ACO1: variants seen among roughly 807,000 people sequenced by gnomAD.
ACO1 encodes the protein cytoplasmic aconitate hydratase.
A neutral mutation model predicts 105.1 loss-of-function variants in ACO1; 78 were observed. The ratio of observed to expected loss-of-function variants is 0.74; its 90% CI spans 0.62 to 0.90. The LOEUF (loss-of-function observed/expected upper bound fraction) is 0.90, where lower values mean the gene tolerates loss of function less well. Among genes scored for constraint, ACO1 ranks in the 40% least tolerant of loss-of-function variants. The pLI is 0.00. For missense variants in ACO1, 965 were observed against 1,111.1 expected (o/e 0.87, Z 1.87); for synonymous variants, 364 against 397.4 (o/e 0.92, Z 1.00).
At chr9:32,427,669 G>A (rs1284245462) in intron 12 of ACO1, among the ~76,000 whole-genome samples, 1 of 152,192 alleles carries the variant, frequency 6.6e-6, no homozygotes, top group African/African-American at 2.4e-5. Flanking sequence ...CTTTGGTTGA[G>A]TCAGTGAATG....
At chr9:32,412,975 C>T (rs955355250) in intron 4 of ACO1, among the ~76,000 whole-genome samples, 1 of 151,658 alleles carries the variant, frequency 6.6e-6, no homozygotes, top group African/African-American at 2.4e-5. Context: ...ATTCAAAGAG[C>T]TCATGGCTGT....
chr9:32,426,090 G>T, intron 11 of ACO1, 93 bp downstream of exon 11: 1 of 1,303,250 alleles, frequency 7.7e-7, no homozygotes, highest in Non-Finnish European at 1.1e-6. Flanking sequence ...AGTTGTACAT[G>T]TAGTTCCCTG....
At position 32,420,920 on chromosome 9, in the gene ACO1, T is replaced by C; in HGVS notation, c.863T>C (p.Leu288Ser). 1 of 1,614,068 alleles carries C rather than the reference T, an allele frequency of 6.2e-7. No individual in the cohort carries two copies. Among genetic ancestry groups the C allele is most frequent in the Non-Finnish European group, 8.5e-7 (1 of 1,179,950 alleles). The change falls in exon 8 of 21, where the codon TTG (leucine) becomes TCG (serine). Residue 288 changes from leucine to serine, a missense_variant. Physicochemically the swap from Leu to Ser is moderately radical, Grantham distance 145. Transcript: ENST00000309951. ...VEFFGPGVAQ[L>S]SIADRATIAN... ...TTCTTCGGGCCTGGAGTAGCCCAGTTGTCCATTGCTGACCGAGCTACGATT... is the reference window on the plus strand; with the variant it reads ...TTCTTCGGGCCTGGAGTAGCCCAGTCGTCCATTGCTGACCGAGCTACGATT...
At chr9:32,414,164 A>T (rs1473978573) in intron 4 of ACO1, among the ~76,000 whole-genome samples, 1 of 152,214 alleles carries the variant, frequency 6.6e-6, no homozygotes. Context: ...AAAAAAAAGA[A>T]TTTCATAACA....
chr9:32,415,377 T>C (rs1821825970), intron 4 of ACO1, among the ~76,000 whole-genome samples: 1 of 152,166 alleles, frequency 6.6e-6, no homozygotes, highest in East Asian at 1.9e-4. Context: ...GGAATAAATA[T>C]CTTGATAGCT....
intron 4 of ACO1, among the ~76,000 whole-genome samples, chr9:32,410,300 T>G (rs1011693800): frequency 2.0e-5 from 3 of 152,208 alleles, no homozygotes; most frequent in African/African-American, 7.2e-5. Flanking sequence ...GGCTCACGCC[T>G]GTAATCCCAG....
intron 1 of ACO1, among the ~76,000 whole-genome samples, chr9:32,392,981 T>G (rs1008241853): frequency 6.6e-5 from 10 of 152,184 alleles, no homozygotes; most frequent in African/African-American, 2.4e-4. Context: ...CCCATCATCT[T>G]CATAAGCTGA....
intron 19 of ACO1, among the ~76,000 whole-genome samples, chr9:32,443,611 T>C (rs1333273298): frequency 6.6e-6 from 1 of 152,188 alleles, no homozygotes; most frequent in Admixed American, 6.5e-5. Context: ...AACTCCAGAG[T>C]ATTTCCAGAT....
intron 19 of ACO1, chr9:32,445,971 G>A (rs1822596359): frequency 1.3e-5 from 2 of 152,272 alleles, no homozygotes; most frequent in African/African-American, 4.8e-5. Flanking sequence ...TGTGGTCTGA[G>A]AGACAGGTTG....
Position 32,431,716 on chromosome 9 carries a change from CA to C in ACO1, c.1727-2del. ...TTCTCATTAATAAACATTTTTTCCC[CA>C]GGAGTAAATGCAAAGGGACAGCAGG... On this transcript the variant is annotated splice_acceptor_variant, in intron 14 of 20. Transcript: ENST00000309951. LOFTEE classifies it high-confidence loss of function. 1 of 1,612,944 alleles carries C rather than the reference CA, an allele frequency of 6.2e-7. No homozygotes were observed. The highest frequency in any genetic ancestry group is 8.5e-7 in the Non-Finnish European group (1 of 1,179,662).
At chr9:32,403,381 T>A (rs1821539416) in intron 1 of ACO1, among the ~76,000 whole-genome samples, 1 of 152,218 alleles carries the variant, frequency 6.6e-6, no homozygotes, top group Non-Finnish European at 1.5e-5. Context: ...ATTTACTTCC[T>A]TCATATAGTG....
rs879450882 is a variant in ACO1 at position 32,411,894 on chromosome 9, T to A, written c.404+3243T>A. On this transcript the variant is annotated intron_variant, in intron 4 of 20. Coordinates refer to ENST00000309951, the MANE Select transcript of ACO1 (RefSeq NM_002197.3). ...CATTTATTTATTTATTTATTTATTT[T>A]TTGAGACAGGTTCTCACTCTGTTCC... Among the ~76,000 whole-genome samples the A allele has an allele frequency of 2.6e-4, 40 of 152,146 alleles. 1 individual carries two copies. Among genetic ancestry groups the A allele is most frequent in the Admixed American group, 9.8e-4 (15 of 15,256 alleles).
At position 32,407,251 on chromosome 9, in the gene ACO1, TA is replaced by T; in HGVS notation, c.98-8del. The T allele has an allele frequency of 6.2e-7, 1 of 1,613,592 alleles. No individual in the cohort carries two copies. The highest frequency in any genetic ancestry group is 1.1e-5 in the South Asian group (1 of 91,034). The stretch of plus-strand genomic sequence containing the variant: ...CAGGTTTTGTTTATTTTGTCATCCT[TA>T]ACTCTTAGGGCGCTTACCATTTTCG... On this transcript the variant is annotated splice_polypyrimidine_tract_variant and intron_variant, in intron 2 of 20. Transcript: ENST00000309951.
chr9:32,442,148 T>C (rs548276194), intron 19 of ACO1, among the ~76,000 whole-genome samples: 1 of 152,178 alleles, frequency 6.6e-6, no homozygotes, highest in African/African-American at 2.4e-5. Context: ...TCTGGTTTAA[T>C]TGGTAAGGAG....
intron 4 of ACO1, among the ~76,000 whole-genome samples, chr9:32,415,323 A>G (rs1821825161): frequency 6.6e-6 from 1 of 152,240 alleles, no homozygotes; most frequent in Non-Finnish European, 1.5e-5. Context: ...TACCAAAGGT[A>G]GATTGAATGG....
chr9:32,448,765 T>C, intron 19 of ACO1, 131 bp from the exon 20 acceptor site: 1 of 898,702 alleles, frequency 1.1e-6, no homozygotes, highest in Non-Finnish European at 1.8e-6. Flanking sequence ...TGTGTCAGTC[T>C]CACTGGGAGC....
At chr9:32,428,814 A>C (rs1014697254) in intron 12 of ACO1, among the ~76,000 whole-genome samples, 3 of 152,056 alleles carry the variant, frequency 2.0e-5, no homozygotes, top group African/African-American at 7.2e-5. Context: ...ACTGCACTCC[A>C]GCCTGGGCAA....
chr9:32,443,228 C>A (rs1822521409), intron 19 of ACO1, among the ~76,000 whole-genome samples: 1 of 151,898 alleles, frequency 6.6e-6, no homozygotes, highest in African/African-American at 2.4e-5. Context: ...TTTCTGTCAT[C>A]CTAGATGTAT....
intron 19 of ACO1, 56 bp from the exon 20 acceptor site, chr9:32,448,840 T>C: frequency 6.3e-7 from 1 of 1,595,642 alleles, no homozygotes; most frequent in Non-Finnish European, 8.6e-7. Flanking sequence ...TTTGTAAACC[T>C]GTGTATCCAA....
Sources: allele counts gnomAD v4.1 joint callset (sites outside exome capture counted in the v4.1 genomes callset), GRCh38; gene constraint gnomAD v4.1.1; transcripts MANE v1.5; gene names NCBI Gene and HGNC (gene_info 2026-07-23, HGNC 2026-07-21).